Variants in MIA2 observed in about 807,000 individuals in gnomAD.
MIA2 encodes melanoma inhibitory activity protein 2.
Under a neutral mutation model 167.8 loss-of-function variants are expected in MIA2, and 127 were observed. The ratio of observed to expected loss-of-function variants is 0.76; its 90% CI spans 0.66 to 0.88. The LOEUF (loss-of-function observed/expected upper bound fraction) is 0.88. Among genes scored for constraint, MIA2 ranks in the 40% least tolerant of loss-of-function variants. MIA2 has a pLI of 0.00. For missense variants in MIA2, 1,690 were observed against 1,624.7 expected, an observed-to-expected ratio of 1.04 and a Z score of -0.69; for synonymous variants, 552 against 541.9, an observed-to-expected ratio of 1.02 and a Z score of -0.26.
intron 14 of MIA2, among the ~76,000 whole-genome samples, chr14:39,301,846 G>A (rs1451327964): frequency 1.3e-5 from 2 of 152,126 alleles, no homozygotes; most frequent in Non-Finnish European, 2.9e-5. Flanking sequence ...TGTGAGAAAT[G>A]TCATATAAAA....
At chr14:39,254,829 C>A (rs955223468) in intron 6 of MIA2, among the ~76,000 whole-genome samples, 1 of 152,218 alleles carries the variant, frequency 6.6e-6, no homozygotes, top group Admixed American at 6.5e-5. Context: ...AGCCTCTGGT[C>A]TAACATCCGA....
At position 39,350,146 on chromosome 14, in the gene MIA2, G is replaced by A; in HGVS notation, c.4121G>A (p.Arg1374Lys). 2 of 1,384,840 alleles carry A rather than the reference G, an allele frequency of 1.4e-6. No individual in the cohort carries two copies. Among genetic ancestry groups the A allele is most frequent in the Non-Finnish European group, 9.9e-7 (1 of 1,009,320 alleles). 85.8% of individuals were successfully genotyped at this position (1,384,840 alleles called of 1,614,324 possible). Reference protein sequence around the residue: ...PRGFPPYLPPRPGFFPPPPHS... With the variant: ...PRGFPPYLPPKPGFFPPPPHS... ...GGTTTTCCTCCTTACCTTCCCCCAA[G>A]ACCTGGATTTTTCCCCCCACCCCCA... The change falls in exon 29 of 29, where the codon AGA becomes AAA. Residue 1374 changes from arginine to lysine, a missense_variant. Transcript: ENST00000640607.
At chr14:39,301,741 A>G (rs1228879226) in intron 14 of MIA2, among the ~76,000 whole-genome samples, 1 of 152,250 alleles carries the variant, frequency 6.6e-6, no homozygotes, top group Non-Finnish European at 1.5e-5. Flanking sequence ...CTAAAAATCT[A>G]CGATCTTTTT....
Position 39,348,773 on chromosome 14 carries a change from G to C in MIA2, c.3868G>C (p.Ala1290Pro), listed in dbSNP as rs371687130. ...AAATGTGCCTGATTCATCTCTCCCTGCTGAAAATGAAGCCACTGGCCCTGG... is the reference window on the plus strand; with the variant it reads ...AAATGTGCCTGATTCATCTCTCCCTCCTGAAAATGAAGCCACTGGCCCTGG... ...NLNVPDSSLP[A>P]ENEATGPGFV... is the part of the protein sequence containing the mutation. The change falls in exon 28 of 29, where the codon GCT becomes CCT. Residue 1290 changes from alanine to proline, a missense_variant. By Grantham distance (27) the Ala-to-Pro change is conservative (BLOSUM62 -1). Coordinates refer to ENST00000640607, the MANE Select transcript of MIA2 (RefSeq NM_001329214.4). 5 of 1,613,794 alleles carry C rather than the reference G, an allele frequency of 3.1e-6. No homozygotes were observed. Among genetic ancestry groups the C allele is most frequent in the Non-Finnish European group, 4.2e-6 (5 of 1,179,846 alleles).
rs147063133 is a variant in MIA2, at chr14:39,350,459, G to A, written c.*195G>A. 3.6e-4 allele frequency: 152 copies of A among 423,244 alleles called. No homozygotes were observed. Among genetic ancestry groups the A allele is most frequent in the Middle Eastern group, 6.1e-4 (1 of 1,638 alleles). The allele number at this position is 423,244 out of a possible 1,614,324, so 26.2% of individuals were successfully genotyped here. Reference sequence around the variant, plus strand: ...AAATTATTTCAATTTTATTTTAGACGGTATAACTATTTCAATTTGATTAAT... The same window carrying A: ...AAATTATTTCAATTTTATTTTAGACAGTATAACTATTTCAATTTGATTAAT... On this transcript the variant is annotated 3_prime_UTR_variant, in exon 29 of 29. Coordinates refer to ENST00000640607, the MANE Select transcript of MIA2 (RefSeq NM_001329214.4).
intron 6 of MIA2, chr14:39,265,891 T>A: frequency 1.4e-6 from 1 of 738,590 alleles, no homozygotes; most frequent in South Asian, 6.1e-5. Flanking sequence ...ACCTTATACC[T>A]TAACAATGGA....
intron 23 of MIA2, among the ~76,000 whole-genome samples, chr14:39,379,681 A>T (rs1227120475): frequency 6.6e-6 from 1 of 151,810 alleles, no homozygotes; most frequent in African/African-American, 2.4e-5. Context: ...GCAAAACCCC[A>T]CCCCTACTAA....
chr14:39,258,997 C>T (rs201062638), intron 6 of MIA2, among the ~76,000 whole-genome samples: 2 of 152,226 alleles, frequency 1.3e-5, no homozygotes, highest in East Asian at 3.8e-4. Context: ...CGGAGCTCTC[C>T]TGTATGAGGT....
chr14:39,339,626 A>C (rs1192363856), intron 25 of MIA2, among the ~76,000 whole-genome samples: 2 of 152,200 alleles, frequency 1.3e-5, no homozygotes, highest in East Asian at 3.9e-4. Context: ...ATGAGTTAAT[A>C]TAATGAAATG....
intron 23 of MIA2, among the ~76,000 whole-genome samples, chr14:39,383,700 A>G (rs1033914831): frequency 1.3e-5 from 2 of 152,248 alleles, no homozygotes; most frequent in Admixed American, 6.5e-5. Flanking sequence ...CATTGAACAC[A>G]TGAATGATAA....
rs781489077 is a variant in MIA2, at chr14:39,246,991, A to G, written c.417A>G (p.Glu139=). The change falls in exon 4 of 29, where the codon GAA becomes GAG. Residue 139 remains glutamate, a synonymous_variant. Coordinates refer to ENST00000640607, the MANE Select transcript of MIA2 (RefSeq NM_001329214.4). ...GTGAATTAAACGGTGATTATGGTGA[A>G]AATATATATCCTTATGAAGAAGATA... ...EDSELNGDYG[E]NIYPYEEDKD... The G allele has an allele frequency of 6.4e-7, 1 of 1,563,574 alleles. No individual in the cohort carries two copies. Among genetic ancestry groups the G allele is most frequent in the South Asian group, 1.2e-5 (1 of 81,418 alleles).
At chr14:39,294,449 C>A (rs1437320965) in intron 12 of MIA2, among the ~76,000 whole-genome samples, 1 of 150,628 alleles carries the variant, frequency 6.6e-6, no homozygotes, top group East Asian at 1.9e-4. Flanking sequence ...CGGCCCACCT[C>A]GGCCTCCCAA....
chr14:39,261,139 C>A (rs781312944), intron 6 of MIA2, among the ~76,000 whole-genome samples: 2 of 152,092 alleles, frequency 1.3e-5, no homozygotes, highest in African/African-American at 4.8e-5. Context: ...TTCCCTCCCC[C>A]TCCCCTCACC....
intron 21 of MIA2, 70 bp downstream of exon 21, chr14:39,315,788 T>G: frequency 3.9e-6 from 4 of 1,025,810 alleles, no homozygotes. Flanking sequence ...CGTTGTTTAT[T>G]TAAATTAGAT....
chr14:39,321,823 C>T (rs189696009), intron 24 of MIA2, among the ~76,000 whole-genome samples: 63 of 150,390 alleles, frequency 4.2e-4, no homozygotes, highest in African/African-American at 1.2e-3. Context: ...TGCAGTGGCG[C>T]GATCTCGGCT....
intron 6 of MIA2, chr14:39,267,136 T>A (rs1428584292): frequency 1.6e-5 from 18 of 1,154,972 alleles, no homozygotes; most frequent in Non-Finnish European, 1.9e-5. Flanking sequence ...CCTCCCCGCC[T>A]TCTCGCGGCT....
At chr14:39,235,473 G>A (rs935529551) in intron 1 of MIA2, among the ~76,000 whole-genome samples, 2 of 152,066 alleles carry the variant, frequency 1.3e-5, no homozygotes, top group East Asian at 1.9e-4. Context: ...TTTACTAGAT[G>A]TTTTATTATC....
intron 25 of MIA2, among the ~76,000 whole-genome samples, chr14:39,336,057 C>G (rs114085176): frequency 2.0e-5 from 3 of 152,086 alleles, no homozygotes; most frequent in Non-Finnish European, 4.4e-5. Flanking sequence ...AATAGTGTTA[C>G]GATAAACATG....
At chr14:39,385,626 T>G (rs1285627954) in intron 23 of MIA2, 1 of 831,988 alleles carries the variant, frequency 1.2e-6, no homozygotes, top group Non-Finnish European at 2.1e-6. Flanking sequence ...GATTGGGGCT[T>G]AATATTCTTC....
Sources: gnomAD v4.1 joint callset for allele counts (sites outside exome capture counted in the v4.1 genomes callset) on GRCh38, gnomAD v4.1.1 for gene constraint, MANE v1.5 for transcripts, NCBI Gene and HGNC (gene_info 2026-07-23, HGNC 2026-07-21) for gene names.